Variants in TET1 observed in about 807,000 individuals in gnomAD.
TET1 encodes the protein tet methylcytosine dioxygenase 1, also known as methylcytosine dioxygenase TET1.
A neutral mutation model predicts 148.7 loss-of-function variants in TET1; 13 were observed. That is an observed-to-expected ratio of 0.09 (90% CI 0.06 to 0.14). TET1 has a LOEUF of 0.14. Among genes scored for constraint, TET1 ranks in the 10% least tolerant of loss-of-function variants. The pLI is 1.00. For synonymous variants in TET1, 907 were observed against 937.2 expected (o/e 0.97, Z 0.59); for missense variants, 2,182 against 2,553.8 (o/e 0.85, Z 3.14).
At chr10:68,651,717 A>T (rs2133113829) in intron 4 of TET1, 129 bp from the exon 5 acceptor site, 1 of 580,066 alleles carries the variant, frequency 1.7e-6, no homozygotes, top group South Asian at 4.2e-5. Context: ...TAATTATCAA[A>T]TCTTACCAAA....
chr10:68,645,774 T>A lies in TET1; in HGVS notation c.3045T>A (p.Ile1015=), dbSNP rs139859793. The A allele has an allele frequency of 2.7e-5, 44 of 1,614,174 alleles. No homozygotes were observed. The African/African-American group carries it at 5.9e-4, about 22-fold the overall frequency. ...TACCAAAATCAAATTCATCCAAGAT[T>A]GACACCAATAAAAGTATTGCTCAAG... ...LFIPKSNSSK[I]DTNKSIAQGI... The change falls in exon 4 of 12, where the codon ATT becomes ATA. Residue 1015 remains isoleucine, a synonymous_variant. Transcript: ENST00000373644.
rs978163496 is a variant in TET1, at chr10:68,639,154, T to C, written c.1969-5544T>C. ...AAGATTTTCTTTTCTTTCTTTCTTT[T>C]TTTTTTCTTTTAAGACAGAGTTTCA... On this transcript the variant is annotated intron_variant, in intron 3 of 11. Coordinates refer to ENST00000373644, the MANE Select transcript of TET1 (RefSeq NM_030625.3). Among the ~76,000 whole-genome samples, 6 of 151,834 alleles carry C rather than the reference T, an allele frequency of 4.0e-5. No individual in the cohort carries two copies. The South Asian group carries it at 6.2e-4, about 16-fold the overall frequency.
At position 68,645,407 on chromosome 10, in the gene TET1, C is replaced by T; in HGVS notation, c.2678C>T (p.Ala893Val). 6.2e-7 allele frequency: 1 copy of T among 1,613,958 alleles called. No individual in the cohort carries two copies. The highest frequency in any genetic ancestry group is 1.1e-5 in the South Asian group (1 of 91,072). The change falls in exon 4 of 12, where the codon GCC (alanine) becomes GTC (valine). Residue 893 changes from alanine to valine, a missense_variant. Transcript: ENST00000373644. ...DRRLTLEQVV[A>V]IEALTQLSEA... is the part of the protein sequence containing the mutation. ...AGATTAACATTGGAGCAAGTGGTAG[C>T]CATAGAGGCCCTGACTCAACTCTCA...
intron 1 of TET1, among the ~76,000 whole-genome samples, chr10:68,570,218 C>T (rs2053652759): frequency 6.6e-6 from 1 of 152,032 alleles, no homozygotes; most frequent in African/African-American, 2.4e-5. Flanking sequence ...GATTCTCCTG[C>T]CTCAGCCTCC....
chr10:68,567,047 A>G (rs115888965), intron 1 of TET1, among the ~76,000 whole-genome samples: 1,680 of 152,258 alleles, frequency 0.011, 38 homozygotes, highest in African/African-American at 0.038. Flanking sequence ...ATCTACTAAT[A>G]TTTATGAACT....
chr10:68,624,653 T>TTTCC lies in TET1; in HGVS notation c.1969-20042_1969-20041insCTTC, dbSNP rs1564974987. ...CTTTCTTTCTTTCTTTCTTTCTTTC[T>TTTCC]TTCTTTCTCTCTCTCTCTCTCTCTC... On this transcript the variant is annotated intron_variant, in intron 3 of 11. Coordinates refer to ENST00000373644, the MANE Select transcript of TET1 (RefSeq NM_030625.3). Among the ~76,000 whole-genome samples the TTTCC allele has an allele frequency of 4.4e-4, 26 of 59,222 alleles. 1 individual carries two copies. Among genetic ancestry groups the TTTCC allele is most frequent in the African/African-American group, 2.6e-3 (25 of 9,550 alleles). 38.9% of individuals were successfully genotyped at this position (59,222 alleles called of 152,430 possible).
chr10:68,608,900 AG>A (rs1419970174), intron 3 of TET1, among the ~76,000 whole-genome samples: 2 of 152,148 alleles, frequency 1.3e-5, no homozygotes, highest in African/African-American at 2.4e-5. Flanking sequence ...AATGTTGCCC[AG>A]GGTGGTCTCA....
chr10:68,659,044 G>A (rs1247598078), intron 6 of TET1, among the ~76,000 whole-genome samples: 2 of 152,060 alleles, frequency 1.3e-5, no homozygotes, highest in African/African-American at 4.8e-5. Flanking sequence ...GCTGGCCAAC[G>A]TGGTGAAATC....
At chr10:68,670,198 C>T (rs993481631) in intron 7 of TET1, among the ~76,000 whole-genome samples, 4 of 152,110 alleles carry the variant, frequency 2.6e-5, no homozygotes, top group African/African-American at 9.7e-5. Flanking sequence ...ATACTGTGAT[C>T]TCATCTTAGT....
chr10:68,672,899 A>G lies in TET1; in HGVS notation c.4678A>G (p.Thr1560Ala). 6.2e-7 allele frequency: 1 copy of G among 1,609,144 alleles called. No homozygotes were observed. Among genetic ancestry groups the G allele is most frequent in the Non-Finnish European group, 8.5e-7 (1 of 1,176,584 alleles). Residue 1560 changes from threonine to alanine, a missense_variant, in exon 8 of 12, where the codon ACC (threonine) becomes GCC (alanine). Around this residue, in one of 11 missense-constraint regions of TET1, gnomAD observed 169 missense variants for 263.7 expected, o/e 0.64. Coordinates refer to ENST00000373644, the MANE Select transcript of TET1 (RefSeq NM_030625.3). Reference sequence around the variant, plus strand: ...TCTTGAATTACAATCTTACAGTCGTACCTGTACATGTCAAGGAATTGATCC... The same window carrying G: ...TCTTGAATTACAATCTTACAGTCGTGCCTGTACATGTCAAGGAATTGATCC... The part of the protein sequence containing the change: ...DRRCTLNENR[T>A]CTCQGIDPET...
At chr10:68,617,550 G>A (rs1450285754) in intron 3 of TET1, among the ~76,000 whole-genome samples, 1 of 151,866 alleles carries the variant, frequency 6.6e-6, no homozygotes, top group African/African-American at 2.4e-5. Flanking sequence ...TTGTTTGTTT[G>A]TTTGTTTGTT....
At chr10:68,655,542 G>A (rs971494017) in intron 6 of TET1, among the ~76,000 whole-genome samples, 1 of 152,186 alleles carries the variant, frequency 6.6e-6, no homozygotes, top group Non-Finnish European at 1.5e-5. Context: ...CCAAAAGAGA[G>A]AAATGTAACT....
intron 3 of TET1, among the ~76,000 whole-genome samples, chr10:68,613,206 C>A (rs1185264871): frequency 6.6e-6 from 1 of 152,176 alleles, no homozygotes; most frequent in East Asian, 1.9e-4. Flanking sequence ...ATATTTAATA[C>A]ATTTATTTTA....
At chr10:68,605,525 T>A (rs985540568) in intron 3 of TET1, among the ~76,000 whole-genome samples, 2 of 152,218 alleles carry the variant, frequency 1.3e-5, no homozygotes, top group African/African-American at 4.8e-5. Flanking sequence ...TATTTACTTA[T>A]TTATTTGAGA....
chr10:68,573,726 A>G lies in TET1; in HGVS notation c.1388A>G (p.Gln463Arg). The G allele has an allele frequency of 6.2e-7, 1 of 1,614,094 alleles. No homozygotes were observed. The highest frequency in any genetic ancestry group is 8.5e-7 in the Non-Finnish European group (1 of 1,180,034). The change falls in exon 2 of 12, where the codon CAG becomes CGG. Residue 463 changes from glutamine (Q) to arginine (R), a missense_variant. By Grantham distance (43) the Gln-to-Arg change is conservative (BLOSUM62 1). Around this residue, in one of 11 missense-constraint regions of TET1, gnomAD observed 665 missense variants for 672.4 expected, o/e 0.99. Coordinates refer to ENST00000373644, the MANE Select transcript of TET1 (RefSeq NM_030625.3). The stretch of plus-strand genomic sequence containing the variant: ...ACTGTCTCATATGGACTTGCAGTCC[A>G]GGGTGCTATACAGATTTTGCCTTTG... Reference protein sequence around the residue: ...QSTVSYGLAVQGAIQILPLGS... With the variant: ...QSTVSYGLAVRGAIQILPLGS...
intron 1 of TET1, among the ~76,000 whole-genome samples, chr10:68,568,326 G>A (rs1272071920): frequency 2.0e-5 from 3 of 148,452 alleles, no homozygotes; most frequent in Non-Finnish European, 3.0e-5. Flanking sequence ...TGGTTCAAGC[G>A]ATTCTCATGC....
At chr10:68,581,508 A>G (rs1271436234) in intron 2 of TET1, among the ~76,000 whole-genome samples, 2 of 152,174 alleles carry the variant, frequency 1.3e-5, no homozygotes, top group East Asian at 3.8e-4. Context: ...TGGCTAAGCT[A>G]CACTTTCACA....
At chr10:68,684,232 A>G (rs2055478295) in intron 10 of TET1, among the ~76,000 whole-genome samples, 1 of 152,094 alleles carries the variant, frequency 6.6e-6, no homozygotes, top group Admixed American at 6.6e-5. Context: ...AAAATATACA[A>G]TTTTTAAAAA....
At chr10:68,657,241 A>T (rs1422855314) in intron 6 of TET1, among the ~76,000 whole-genome samples, 1 of 151,670 alleles carries the variant, frequency 6.6e-6, no homozygotes, top group Non-Finnish European at 1.5e-5. Flanking sequence ...CAGTGGCGTG[A>T]TCTCGGCTCA....
Sources: allele counts gnomAD v4.1 joint callset (sites outside exome capture counted in the v4.1 genomes callset), GRCh38; gene constraint gnomAD v4.1.1; regional missense constraint gnomAD v4.1.1; transcripts MANE v1.5; gene names NCBI Gene and HGNC (gene_info 2026-07-23, HGNC 2026-07-21).